Variants in HACD3 observed in about 807,000 individuals in gnomAD.
HACD3 encodes very-long-chain (3R)-3-hydroxyacyl-CoA dehydratase 3.
Under a neutral mutation model 55.2 loss-of-function variants are expected in HACD3, and 30 were observed. The ratio of observed to expected loss-of-function variants is 0.54; its 90% CI spans 0.41 to 0.74. HACD3 has a LOEUF of 0.74. HACD3 is among the 30% of genes least tolerant of loss of function. The pLI is 0.00. For missense variants in HACD3, 363 were observed against 440.1 expected, an observed-to-expected ratio of 0.82 and a Z score of 1.57; for synonymous variants, 141 against 151.7, an observed-to-expected ratio of 0.93 and a Z score of 0.52.
chr15:65,530,789 C>A, intron 1 of HACD3, 71 bp downstream of exon 1: 1 of 1,387,372 alleles, frequency 7.2e-7, no homozygotes, highest in Non-Finnish European at 9.7e-7. Context: ...ACCCCTGCCC[C>A]CTTTGTCCGC....
At chr15:65,542,700 G>T (rs2072032767) in intron 1 of HACD3, among the ~76,000 whole-genome samples, 1 of 152,164 alleles carries the variant, frequency 6.6e-6, no homozygotes, top group South Asian at 2.1e-4. Flanking sequence ...GGGTTTGGGA[G>T]CAAGACTTCT....
At chr15:65,556,976 A>ATAC (rs1207537413) in intron 4 of HACD3, 73 bp downstream of exon 4, 14 of 1,405,624 alleles carry the variant, frequency 1.0e-5, no homozygotes, top group Non-Finnish European at 1.2e-5. Context: ...GCCACTTCAG[A>ATAC]TACCTCTCGG....
chr15:65,573,826 CAG>C (rs879369485), intron 10 of HACD3, among the ~76,000 whole-genome samples: 54 of 151,980 alleles, frequency 3.6e-4, no homozygotes, highest in Non-Finnish European at 5.7e-4. Context: ...AACATAAAAA[CAG>C]AATGAAAGGA....
intron 4 of HACD3, among the ~76,000 whole-genome samples, chr15:65,557,488 GTACA>G (rs1391366879): frequency 1.3e-5 from 2 of 149,232 alleles, no homozygotes; most frequent in Non-Finnish European, 3.0e-5. Context: ...AAAAAAAAAA[GTACA>G]TACTGTCAAC....
intron 1 of HACD3, among the ~76,000 whole-genome samples, chr15:65,533,950 C>T (rs2071929035): frequency 6.6e-6 from 1 of 151,542 alleles, no homozygotes; most frequent in Non-Finnish European, 1.5e-5. Flanking sequence ...TACCAGGAGG[C>T]TGAGGCAGGA....
At chr15:65,568,253 A>C (rs568459468) in intron 7 of HACD3, among the ~76,000 whole-genome samples, 8 of 151,978 alleles carry the variant, frequency 5.3e-5, no homozygotes, top group African/African-American at 1.9e-4. Context: ...ACAAGATGAA[A>C]AGAGTTGTGG....
At chr15:65,573,863 A>G (rs566836203) in intron 10 of HACD3, among the ~76,000 whole-genome samples, 5 of 152,340 alleles carry the variant, frequency 3.3e-5, no homozygotes, top group Admixed American at 3.3e-4. Context: ...TATATTTGAG[A>G]GGAGAAAACA....
intron 7 of HACD3, among the ~76,000 whole-genome samples, chr15:65,568,446 C>T (rs2072314345): frequency 6.6e-6 from 1 of 151,622 alleles, no homozygotes; most frequent in African/African-American, 2.4e-5. Flanking sequence ...GCAACCTCGG[C>T]CTCCCACGTT....
intron 1 of HACD3, chr15:65,535,704 T>C (rs899145869): frequency 1.3e-5 from 6 of 479,688 alleles, no homozygotes; most frequent in Non-Finnish European, 2.2e-5. Flanking sequence ...TTAACTTTTT[T>C]TTTTTTTTTG....
Position 65,576,922 on chromosome 15 carries a change from CTAGAGAA to C in HACD3, c.*544_*550del, listed in dbSNP as rs2072407454. 6.5e-6 allele frequency: 1 copy of C among 153,328 alleles called. No homozygotes were observed. Among genetic ancestry groups the C allele is most frequent in the South Asian group, 2.1e-4 (1 of 4,874 alleles). The allele number at this position is 153,328 out of a possible 1,614,324, so 9.5% of individuals were successfully genotyped here. A position where few individuals can be genotyped will look rare whatever the true frequency, so the allele number is the denominator to read the frequency against. On this transcript the variant is annotated 3_prime_UTR_variant, in exon 11 of 11. Transcript: ENST00000261875. ...TGATAAAACATTTCTAAGAGTGGGGCTAGAGAACATACTTTACATCTGACATCCTTTG... is the reference window on the plus strand; with the variant it reads ...TGATAAAACATTTCTAAGAGTGGGGCCATACTTTACATCTGACATCCTTTG...
chr15:65,574,897 G>T (rs1385878201), intron 10 of HACD3, among the ~76,000 whole-genome samples: 1 of 152,116 alleles, frequency 6.6e-6, no homozygotes, highest in African/African-American at 2.4e-5. Context: ...CATGAAATGG[G>T]CATAAGATAA....
chr15:65,548,140 A>T (rs1162259988), intron 1 of HACD3, among the ~76,000 whole-genome samples: 1 of 152,200 alleles, frequency 6.6e-6, no homozygotes, highest in Non-Finnish European at 1.5e-5. Flanking sequence ...AATTCTTACT[A>T]GTTGCCAGGG....
intron 3 of HACD3, 78 bp from the exon 4 acceptor site, chr15:65,556,661 C>T: frequency 7.2e-7 from 1 of 1,391,048 alleles, no homozygotes; most frequent in East Asian, 2.4e-5. Flanking sequence ...CCTGCAGCTT[C>T]TATGTACGGC....
At chr15:65,559,712 T>C (rs1047480599) in intron 5 of HACD3, among the ~76,000 whole-genome samples, 1 of 151,790 alleles carries the variant, frequency 6.6e-6, no homozygotes, top group East Asian at 1.9e-4. Flanking sequence ...GCGACTACCT[T>C]AGGGGAATAT....
chr15:65,531,224 T>TG (rs1204891577), intron 1 of HACD3: 18 of 18,466 alleles, frequency 9.7e-4, no homozygotes, highest in South Asian at 3.2e-3. Flanking sequence ...GGGGGAGGGG[T>TG]GGGGGGCCAC....
At chr15:65,536,328 A>G (rs2071954745) in intron 1 of HACD3, among the ~76,000 whole-genome samples, 1 of 152,198 alleles carries the variant, frequency 6.6e-6, no homozygotes, top group Non-Finnish European at 1.5e-5. Context: ...GCAAAATGAA[A>G]TGCACCTATA....
intron 1 of HACD3, among the ~76,000 whole-genome samples, chr15:65,543,639 T>C (rs758540541): frequency 6.6e-6 from 1 of 152,138 alleles, no homozygotes; most frequent in Admixed American, 6.6e-5. Flanking sequence ...TATACCTCAG[T>C]GTACTTAGAT....
intron 1 of HACD3, 199 bp downstream of exon 1, chr15:65,530,917 G>C (rs1256934112): frequency 1.8e-6 from 1 of 552,608 alleles, no homozygotes; most frequent in Admixed American, 3.7e-5. Context: ...AACCCCCCGA[G>C]GGCTGCAGGA....
intron 10 of HACD3, 97 bp downstream of exon 10, chr15:65,572,463 T>G: frequency 1.5e-6 from 2 of 1,332,320 alleles, no homozygotes; most frequent in Non-Finnish European, 2.0e-6. Context: ...GAGAATTCTT[T>G]TGGGACAGAA....
Sources: allele counts gnomAD v4.1 joint callset (sites outside exome capture counted in the v4.1 genomes callset), GRCh38; gene constraint gnomAD v4.1.1; transcripts MANE v1.5; gene names NCBI Gene and HGNC (gene_info 2026-07-23, HGNC 2026-07-21).